GSAP: variants seen among roughly 807,000 people sequenced by gnomAD.
GSAP encodes gamma-secretase-activating protein.
GSAP carries 118 observed loss-of-function variants against 131.7 expected under a neutral mutation model. The observed-to-expected ratio is 0.90, with a 90% confidence interval of 0.77 to 1.04. GSAP has a LOEUF of 1.04. GSAP is among the 50% of genes least tolerant of loss of function. GSAP has a pLI of 0.00. For synonymous variants in GSAP, 381 were observed against 363.4 expected, an observed-to-expected ratio of 1.05 and a Z score of -0.55; for missense variants, 1,019 against 1,013.2, an observed-to-expected ratio of 1.01 and a Z score of -0.08.
In GSAP at chr7:77,360,851, TC is replaced by T; in HGVS notation, c.999del (p.Met333IlefsTer33). Reference protein sequence around the residue: ...TTSLENVGSHMTKGITFLNLD... With the variant: ...TTSLENVGSHXTKGITFLNLD... ...AGGTTGAGAAAAGTAATGCCCTTTG[TC>T]ATGTGTGACCCAACATTCTCAAGAG... On this transcript the variant is annotated frameshift_variant, in exon 14 of 31. Transcript: ENST00000257626. LOFTEE classifies it high-confidence loss of function. The T allele has an allele frequency of 6.2e-7, 1 of 1,600,288 alleles. No homozygotes were observed. Among genetic ancestry groups the T allele is most frequent in the East Asian group, 2.2e-5 (1 of 44,826 alleles).
rs1175482134 is a variant in GSAP at position 77,416,263 on chromosome 7, C to G, written c.59G>C (p.Arg20Pro). 6.7e-7 allele frequency: 1 copy of G among 1,495,518 alleles called. No individual in the cohort carries two copies. 92.6% of individuals were successfully genotyped at this position (1,495,518 alleles called of 1,614,324 possible). A position where few individuals can be genotyped will look rare whatever the true frequency, so the allele number is the denominator to read the frequency against. The change falls in exon 1 of 31, where the codon CGG becomes CCG. Residue 20 changes from arginine (R) to proline (P), a missense_variant. By Grantham distance (103) the Arg-to-Pro change is moderately radical (BLOSUM62 -2). Coordinates refer to ENST00000257626, the MANE Select transcript of GSAP (RefSeq NM_017439.4). ...DLGKDVLPWL[R>P]AQRAVSEASG... is the part of the protein sequence containing the mutation. ...GGCCTCCGACACTGCCCGCTGCGCC[C>G]GCAACCACGGGAGCACGTCCTTCCC...
intron 7 of GSAP, 91 bp downstream of exon 7, chr7:77,382,483 G>A (rs1797943153): frequency 1.4e-6 from 1 of 704,140 alleles, no homozygotes. Context: ...GGCAATGGCA[G>A]GTGGATATCT....
chr7:77,322,394 T>C (rs527658745), intron 24 of GSAP, among the ~76,000 whole-genome samples: 2 of 152,232 alleles, frequency 1.3e-5, no homozygotes, highest in East Asian at 3.9e-4. Flanking sequence ...TGAGACTTCA[T>C]ATGTATCGTT....
chr7:77,344,253 A>ACC (rs1204307604), intron 19 of GSAP, among the ~76,000 whole-genome samples: 1 of 152,144 alleles, frequency 6.6e-6, no homozygotes, highest in Non-Finnish European at 1.5e-5. Flanking sequence ...ATTCAGTGGA[A>ACC]CCTTCAGGCC....
At chr7:77,315,808 G>A (rs1794909203) in intron 26 of GSAP, 1 of 152,188 alleles carries the variant, frequency 6.6e-6, no homozygotes, top group Admixed American at 6.5e-5. Flanking sequence ...TAAGAGGTAA[G>A]GTTGGAAAAG....
At chr7:77,365,479 G>A (rs1795152449) in intron 12 of GSAP, among the ~76,000 whole-genome samples, 1 of 152,078 alleles carries the variant, frequency 6.6e-6, no homozygotes, top group Non-Finnish European at 1.5e-5. Context: ...GAGAACACTA[G>A]GTATTTCGTT....
intron 12 of GSAP, among the ~76,000 whole-genome samples, chr7:77,368,741 A>G (rs990822668): frequency 6.6e-6 from 1 of 152,254 alleles, no homozygotes; most frequent in African/African-American, 2.4e-5. Flanking sequence ...AAGAAAATAT[A>G]GAACTTATTT....
At chr7:77,381,427 G>A (rs184611651) in intron 7 of GSAP, 73 bp from the exon 8 acceptor site, 4 of 695,648 alleles carry the variant, frequency 5.8e-6, no homozygotes, top group African/African-American at 3.7e-5. Flanking sequence ...CCTAACTCTT[G>A]TAAAAACATT....
Position 77,353,506 on chromosome 7 carries a change from T to C in GSAP, c.1408+66A>G, listed in dbSNP as rs1421136055. The C allele has an allele frequency of 1.3e-5, 13 of 1,010,386 alleles. 1 individual carries two copies. In the Admixed American group the frequency reaches 2.4e-4, roughly 18 times the overall value. 62.6% of individuals were successfully genotyped at this position (1,010,386 alleles called of 1,614,324 possible). A position where few individuals can be genotyped will look rare whatever the true frequency, so the allele number is the denominator to read the frequency against. On this transcript the variant is annotated intron_variant, in intron 17 of 30. Coordinates refer to ENST00000257626, the MANE Select transcript of GSAP (RefSeq NM_017439.4). ...ACAGGTTGAGGCATTCACTATCAAT[T>C]TACTGCTTTCCCTCAAGCAAAAAGG...
At position 77,326,214 on chromosome 7, in the gene GSAP, G is replaced by GCCCCATGAGCAGCC; in HGVS notation, c.1811_1824dup (p.Leu609GlyfsTer6). Reference sequence around the variant, plus strand: ...TAAAGAACCCACGTACCACTTACCAGCCCCATGAGCAGCCGCTGGTGGCTG... The same window carrying GCCCCATGAGCAGCC: ...TAAAGAACCCACGTACCACTTACCAGCCCCATGAGCAGCCCCCCATGAGCAGCCGCTGGTGGCTG... On this transcript the variant is annotated frameshift_variant, in exon 23 of 31. Coordinates refer to ENST00000257626, the MANE Select transcript of GSAP (RefSeq NM_017439.4). LOFTEE classifies it high-confidence loss of function. 6.2e-7 allele frequency: 1 copy of GCCCCATGAGCAGCC among 1,610,940 alleles called. No individual in the cohort carries two copies. Among genetic ancestry groups the GCCCCATGAGCAGCC allele is most frequent in the Non-Finnish European group, 8.5e-7 (1 of 1,177,728 alleles).
chr7:77,355,594 G>T lies in GSAP; in HGVS notation c.1081C>A (p.Gln361Lys), dbSNP rs757431131. Residue 361 changes from glutamine to lysine, a missense_variant, in exon 15 of 31, where the codon CAA becomes AAA. Physicochemically the swap from Gln to Lys is moderately conservative, Grantham distance 53 (BLOSUM62 1). Coordinates refer to ENST00000257626, the MANE Select transcript of GSAP (RefSeq NM_017439.4). Reference sequence around the variant, plus strand: ...TTGTGGCAGATCAGGTCTGGATGTTGAACATTAAGTAGGTGGAAGAAATGA... The same window carrying T: ...TTGTGGCAGATCAGGTCTGGATGTTTAACATTAAGTAGGTGGAAGAAATGA... ...PGHFFHLLNV[Q>K]HPDLICHNLF... 2 of 1,611,172 alleles carry T rather than the reference G, an allele frequency of 1.2e-6. No individual in the cohort carries two copies. Among genetic ancestry groups the T allele is most frequent in the African/African-American group, 1.3e-5 (1 of 74,944 alleles).
intron 24 of GSAP, among the ~76,000 whole-genome samples, chr7:77,323,024 T>A (rs1360579949): frequency 6.6e-6 from 1 of 152,212 alleles, no homozygotes; most frequent in East Asian, 1.9e-4. Context: ...TTTGAATTTG[T>A]CAAACATTAT....
At chr7:77,316,142 T>G (rs569588174) in intron 26 of GSAP, 26 of 152,312 alleles carry the variant, frequency 1.7e-4, no homozygotes, top group African/African-American at 5.8e-4. Flanking sequence ...AGTAATAATT[T>G]GCTACAGAAG....
At chr7:77,382,743 G>A (rs970301984) in intron 6 of GSAP, 100 bp from the exon 7 acceptor site, 14 of 637,930 alleles carry the variant, frequency 2.2e-5, no homozygotes, top group Non-Finnish European at 3.8e-5. Flanking sequence ...TACCATTGAA[G>A]AAACTGGGAA....
intron 7 of GSAP, among the ~76,000 whole-genome samples, chr7:77,382,268 C>T (rs1215745437): frequency 6.6e-6 from 1 of 151,964 alleles, no homozygotes; most frequent in Admixed American, 6.6e-5. Context: ...GACAGATGAA[C>T]TAAAAATGAC....
At chr7:77,396,308 T>C (rs928813361) in intron 5 of GSAP, among the ~76,000 whole-genome samples, 5 of 152,208 alleles carry the variant, frequency 3.3e-5, no homozygotes, top group African/African-American at 1.2e-4. Context: ...ACATTCAATC[T>C]GCTTCACATA....
chr7:77,381,409 T>C, intron 7 of GSAP, 55 bp from the exon 8 acceptor site: 1 of 868,128 alleles, frequency 1.2e-6, no homozygotes, highest in Non-Finnish European at 1.8e-6. Flanking sequence ...ATATGAGTAC[T>C]ATTTTTGCCT....
At position 77,404,670 on chromosome 7, in the gene GSAP, G is replaced by A. The variant is rs531209926; in HGVS notation, c.187-55C>T. 2.1e-5 allele frequency: 22 copies of A among 1,059,540 alleles called. No homozygotes were observed. In the South Asian group the frequency reaches 2.6e-4, roughly 13 times the overall value. 65.6% of individuals were successfully genotyped at this position (1,059,540 alleles called of 1,614,324 possible). On this transcript the variant is annotated intron_variant, in intron 2 of 30. Coordinates refer to ENST00000257626, the MANE Select transcript of GSAP (RefSeq NM_017439.4). The stretch of plus-strand genomic sequence containing the variant: ...ATGTCATTGTTTAGGAAGTTAGAAT[G>A]TTACTAGTTTTAAAACCAACCTGCA...
At chr7:77,352,063 A>G (rs1792956457) in intron 18 of GSAP, among the ~76,000 whole-genome samples, 1 of 152,218 alleles carries the variant, frequency 6.6e-6, no homozygotes, top group African/African-American at 2.4e-5. Flanking sequence ...GACAAAGAAA[A>G]GGCCTTTAGG....
Sources: allele counts gnomAD v4.1 joint callset (sites outside exome capture counted in the v4.1 genomes callset), GRCh38; gene constraint gnomAD v4.1.1; transcripts MANE v1.5; gene names NCBI Gene and HGNC (gene_info 2026-07-23, HGNC 2026-07-21).